Variants in CELF6 observed in about 807,000 individuals in gnomAD.
CELF6 encodes the protein Bruno -like 6, RNA binding protein.
CELF6 carries 32 observed loss-of-function variants against 53.1 expected under a neutral mutation model. That is an observed-to-expected ratio of 0.60 (90% CI 0.46 to 0.81). The LOEUF (loss-of-function observed/expected upper bound fraction) is 0.81, where lower values mean the gene tolerates loss of function less well. Ranked by LOEUF, CELF6 falls within the 30% of genes least tolerant of loss-of-function variation. The pLI, the probability that CELF6 is intolerant of heterozygous loss-of-function variation, is 0.00. For missense variants in CELF6, 539 were observed against 669.5 expected (o/e 0.81, Z 2.15); for synonymous variants, 291 against 288.8 (o/e 1.01, Z -0.08).
chr15:72,310,114 A>C (rs2088276592), intron 2 of CELF6, among the ~76,000 whole-genome samples: 1 of 152,224 alleles, frequency 6.6e-6, no homozygotes, highest in East Asian at 1.9e-4. Context: ...TGCCCTTTTC[A>C]GATTCTTCTG....
chr15:72,289,757 C>G lies in CELF6; in HGVS notation c.617G>C (p.Ser206Thr). 6.9e-7 allele frequency: 1 copy of G among 1,455,810 alleles called. No homozygotes were observed. Among genetic ancestry groups the G allele is most frequent in the Non-Finnish European group, 9.0e-7 (1 of 1,110,704 alleles). The allele number at this position is 1,455,810 out of a possible 1,614,324, so 90.2% of individuals were successfully genotyped here. ...GGTGTCCGCCAGCTTGACCACGAGG[C>G]TGGACGAGGCGCCCTGGGCAGGGCA... is the stretch of plus-strand genomic sequence containing the variant. ...GSRTMAGASS[S>T]LVVKLADTDR... Residue 206 changes from serine to threonine, a missense_variant, in exon 6 of 13, where the codon AGC becomes ACC. Physicochemically the swap from Ser to Thr is moderately conservative, Grantham distance 58. Around this residue, in one of 3 missense-constraint regions of CELF6, gnomAD observed 358 missense variants for 412.8 expected, o/e 0.87. Coordinates refer to ENST00000287202, the MANE Select transcript of CELF6 (RefSeq NM_052840.5). This position sits in a 1 kb window ranked among gnomAD's most constrained non-coding sequence, Gnocchi z 7.6.
At position 72,306,269 on chromosome 15, in the gene CELF6, G is replaced by A. The variant is rs573762176; in HGVS notation, c.346-1475C>T. The stretch of plus-strand genomic sequence containing the variant: ...TGGGGGGCAGGCAGCTGAGTGCCAG[G>A]AGGGAAAAACAGCGGCCTTCCCGTT... On this transcript the variant is annotated intron_variant, in intron 2 of 12. Coordinates refer to ENST00000287202, the MANE Select transcript of CELF6 (RefSeq NM_052840.5). 5.0e-3 allele frequency: 4,942 copies of A among 985,192 alleles called. 11 individuals carry two copies. The highest frequency in any genetic ancestry group is 5.5e-3 in the Non-Finnish European group (4,556 of 829,908). The allele number at this position is 985,192 out of a possible 1,614,324, so 61.0% of individuals were successfully genotyped here. A position where few individuals can be genotyped will look rare whatever the true frequency, so the allele number is the denominator to read the frequency against.
chr15:72,320,099 A>C lies in CELF6; in HGVS notation c.-225T>G, dbSNP rs1314632978. On this transcript the variant is annotated 5_prime_UTR_variant, in exon 1 of 13. Coordinates refer to ENST00000287202, the MANE Select transcript of CELF6 (RefSeq NM_052840.5). ...CGGGCCCGGGCCGAGGTGGCGGCTG[A>C]ACGCTGGGGTCTGGCTTGAGGTCCC... is the stretch of plus-strand genomic sequence containing the variant. 1.5e-6 allele frequency: 1 copy of C among 650,586 alleles called. No homozygotes were observed. Among genetic ancestry groups the C allele is most frequent in the East Asian group, 3.1e-5 (1 of 32,078 alleles). The allele number at this position is 650,586 out of a possible 1,614,324, so 40.3% of individuals were successfully genotyped here.
intron 3 of CELF6, among the ~76,000 whole-genome samples, chr15:72,303,588 T>C (rs2088185021): frequency 6.6e-6 from 1 of 152,184 alleles, no homozygotes; most frequent in Non-Finnish European, 1.5e-5. Context: ...TTCCATTCTG[T>C]TCCTGAACTC....
Position 72,314,589 on chromosome 15 carries a change from GTTTTTTT to G in CELF6, c.345+1249_345+1255del, listed in dbSNP as rs984879836. Among the ~76,000 whole-genome samples, 235 of 97,850 alleles carry G rather than the reference GTTTTTTT, an allele frequency of 2.4e-3. 1 individual carries two copies. The highest frequency in any genetic ancestry group is 0.011 in the African/African-American group (219 of 20,720). 64.2% of individuals were successfully genotyped at this position (97,850 alleles called of 152,430 possible). A position where few individuals can be genotyped will look rare whatever the true frequency, so the allele number is the denominator to read the frequency against. On this transcript the variant is annotated intron_variant, in intron 2 of 12. Coordinates refer to ENST00000287202, the MANE Select transcript of CELF6 (RefSeq NM_052840.5). Reference sequence around the variant, plus strand: ...AGGTCTGTGAGACTCAAAACCCAGTGTTTTTTTTTTTTTTTTTTTTTTTGAGACTGAG... The same window carrying G: ...AGGTCTGTGAGACTCAAAACCCAGTGTTTTTTTTTTTTTTTTGAGACTGAG...
At chr15:72,296,988 A>G (rs768699073) in intron 3 of CELF6, among the ~76,000 whole-genome samples, 13 of 152,240 alleles carry the variant, frequency 8.5e-5, no homozygotes, top group Non-Finnish European at 1.8e-4. Context: ...CTTTTCAAAA[A>G]TTAATCTATA....
At chr15:72,314,602 T>TTTTTTTTTTTTTG (rs2088339440) in intron 2 of CELF6, among the ~76,000 whole-genome samples, 1 of 144,926 alleles carries the variant, frequency 6.9e-6, no homozygotes, top group African/African-American at 2.7e-5. Flanking sequence ...TTTTTTTTTT[T>TTTTTTTTTTTTTG]TTTTTTTTTT....
chr15:72,319,770 A>T lies in CELF6; in HGVS notation c.105T>A (p.Gly35=), dbSNP rs976580536. 1.3e-6 allele frequency: 2 copies of T among 1,580,560 alleles called. No homozygotes were observed. Among genetic ancestry groups the T allele is most frequent in the African/African-American group, 2.7e-5 (2 of 74,006 alleles). The part of the protein sequence containing the change: ...SGVGMSGLNP[G]PAVPMKDHDA... The stretch of plus-strand genomic sequence containing the variant: ...CGTGGTCCTTCATGGGTACGGCGGG[A>T]CCGGGGTTTAGCCCGCTCATGCCGA... The change falls in exon 1 of 13, where the codon GGT becomes GGA. Residue 35 remains glycine, a synonymous_variant. Transcript: ENST00000287202. This position sits in a 1 kb window ranked among gnomAD's most constrained non-coding sequence, Gnocchi z 5.0.
At position 72,288,731 on chromosome 15, in the gene CELF6, C is replaced by A; in HGVS notation, c.1094-113G>T. 1.5e-6 allele frequency: 2 copies of A among 1,376,640 alleles called. No homozygotes were observed. Among genetic ancestry groups the A allele is most frequent in the Non-Finnish European group, 1.0e-6 (1 of 985,060 alleles). 85.3% of individuals were successfully genotyped at this position (1,376,640 alleles called of 1,614,324 possible). On this transcript the variant is annotated intron_variant, in intron 9 of 12. Coordinates refer to ENST00000287202, the MANE Select transcript of CELF6 (RefSeq NM_052840.5). The surrounding 1 kb of genome is among the most constrained non-coding windows in gnomAD (Gnocchi z 4.6). ...AGCCCAGTCCACCATAACCCTCACC[C>A]CAAGAGAGGTCGTTCTGGGGGTAGG...
At chr15:72,315,762 GC>G (rs2088354726) in intron 2 of CELF6, 82 bp downstream of exon 2, 1 of 905,612 alleles carries the variant, frequency 1.1e-6, no homozygotes, top group Non-Finnish European at 1.7e-6. Context: ...TCCCAACCCA[GC>G]CCCCACATGC....
intron 3 of CELF6, among the ~76,000 whole-genome samples, chr15:72,302,261 G>C (rs1214839541): frequency 6.6e-6 from 1 of 152,212 alleles, no homozygotes. Context: ...TAGGGAGCAG[G>C]GAGGAATTGA....
intron 1 of CELF6, among the ~76,000 whole-genome samples, chr15:72,318,598 A>T (rs1179431228): frequency 5.3e-5 from 8 of 152,248 alleles, no homozygotes; most frequent in Non-Finnish European, 1.0e-4. Flanking sequence ...ACTTTTCTGC[A>T]TGTAAACAAG....
At position 72,288,946 on chromosome 15, in the gene CELF6, C is replaced by G; in HGVS notation, c.1031-16G>C. 2 of 1,548,592 alleles carry G rather than the reference C, an allele frequency of 1.3e-6. No homozygotes were observed. The highest frequency in any genetic ancestry group is 1.7e-6 in the Non-Finnish European group (2 of 1,145,712). On this transcript the variant is annotated splice_polypyrimidine_tract_variant and intron_variant, in intron 8 of 12. Coordinates refer to ENST00000287202, the MANE Select transcript of CELF6 (RefSeq NM_052840.5). This position sits in a 1 kb window ranked among gnomAD's most constrained non-coding sequence, Gnocchi z 4.6. ...GGGCTCTGGGCTGGGGAGAGAGGGGCGCGAGGCCCACAGTGAAGGCAAGCG... is the reference window on the plus strand; with the variant it reads ...GGGCTCTGGGCTGGGGAGAGAGGGGGGCGAGGCCCACAGTGAAGGCAAGCG...
At chr15:72,294,366 C>A (rs2088047336) in intron 3 of CELF6, among the ~76,000 whole-genome samples, 1 of 152,134 alleles carries the variant, frequency 6.6e-6, no homozygotes, top group Non-Finnish European at 1.5e-5. Flanking sequence ...AATACTGGTC[C>A]ATTTTTCAAT....
chr15:72,292,780 T>A (rs1310427474), intron 3 of CELF6, among the ~76,000 whole-genome samples: 2 of 152,166 alleles, frequency 1.3e-5, no homozygotes, highest in Non-Finnish European at 2.9e-5. Flanking sequence ...ATAATCCCAG[T>A]GCTTTGGGAG....
intron 3 of CELF6, chr15:72,292,119 G>A (rs1367698378): frequency 3.3e-6 from 3 of 922,862 alleles, no homozygotes; most frequent in South Asian, 3.1e-5. Context: ...CAGAAAAGGA[G>A]GGGTGGAGTT....
chr15:72,293,370 T>C (rs936516810), intron 3 of CELF6, among the ~76,000 whole-genome samples: 3 of 144,534 alleles, frequency 2.1e-5, no homozygotes, highest in South Asian at 4.2e-4. Flanking sequence ...TGGCTGATCA[T>C]TGATTGCCTC....
Position 72,289,554 on chromosome 15 carries a change from G to C in CELF6, c.748-47C>G, listed in dbSNP as rs942323581. On this transcript the variant is annotated intron_variant, in intron 6 of 12. Coordinates refer to ENST00000287202, the MANE Select transcript of CELF6 (RefSeq NM_052840.5). The surrounding 1 kb of genome is among the most constrained non-coding windows in gnomAD (Gnocchi z 7.6). ...AGAGTGGAGGGCCAAGGGGCAGGCA[G>C]CTGCCCGTGCTCTCAGCCCCAGGCC... 6.7e-6 allele frequency: 10 copies of C among 1,484,554 alleles called. No individual in the cohort carries two copies. The Admixed American group carries it at 1.2e-4, about 17-fold the overall frequency. 92.0% of individuals were successfully genotyped at this position (1,484,554 alleles called of 1,614,324 possible).
intron 2 of CELF6, 92 bp from the exon 3 acceptor site, chr15:72,304,886 G>T: frequency 8.7e-7 from 1 of 1,146,056 alleles, no homozygotes; most frequent in Non-Finnish European, 1.3e-6. Context: ...CAGGATCTGA[G>T]CCCTAGCCCC....
Sources: allele counts gnomAD v4.1 joint callset (sites outside exome capture counted in the v4.1 genomes callset), GRCh38; gene constraint gnomAD v4.1.1; regional missense constraint gnomAD v4.1.1; non-coding constraint Gnocchi (gnomAD v3.1); transcripts MANE v1.5; gene names NCBI Gene and HGNC (gene_info 2026-07-23, HGNC 2026-07-21).